SNX29: variants seen among roughly 807,000 people sequenced by gnomAD.
SNX29 encodes sorting nexin 29.
SNX29 carries 78 observed loss-of-function variants against 102.1 expected under a neutral mutation model. The ratio of observed to expected loss-of-function variants is 0.76; its 90% CI spans 0.64 to 0.92. The LOEUF (loss-of-function observed/expected upper bound fraction) is 0.92, where lower values mean the gene tolerates loss of function less well. Ranked by LOEUF, SNX29 falls within the 40% of genes least tolerant of loss-of-function variation. SNX29 has a pLI of 0.00. For missense variants in SNX29, 1,280 were observed against 1,061.7 expected, an observed-to-expected ratio of 1.21 and a Z score of -2.86; for synonymous variants, 580 against 414.5, an observed-to-expected ratio of 1.40 and a Z score of -4.85.
At chr16:12,314,275 A>G (rs896109078) in intron 15 of SNX29, among the ~76,000 whole-genome samples, 1 of 152,270 alleles carries the variant, frequency 6.6e-6, no homozygotes, top group African/African-American at 2.4e-5. Flanking sequence ...CTGGCATTAC[A>G]GGCATGAGCC....
chr16:12,314,775 T>C (rs932799010), intron 15 of SNX29, among the ~76,000 whole-genome samples: 7 of 152,306 alleles, frequency 4.6e-5, no homozygotes, highest in Admixed American at 4.6e-4. Flanking sequence ...TTGGTTCTGA[T>C]TGAAACTGTG....
At chr16:12,314,719 A>G (rs977372232) in intron 15 of SNX29, among the ~76,000 whole-genome samples, 3 of 152,238 alleles carry the variant, frequency 2.0e-5, no homozygotes, top group Non-Finnish European at 4.4e-5. Flanking sequence ...ACACTAAATC[A>G]AAAAGAATGT....
At chr16:12,404,364 C>G (rs1193068414) in intron 18 of SNX29, among the ~76,000 whole-genome samples, 6 of 152,136 alleles carry the variant, frequency 3.9e-5, no homozygotes, top group Non-Finnish European at 5.9e-5. Flanking sequence ...TTTCTGAAGC[C>G]TCTTTTAGCC....
chr16:12,466,684 G>A (rs559473640), intron 18 of SNX29, among the ~76,000 whole-genome samples: 1 of 152,302 alleles, frequency 6.6e-6, no homozygotes, highest in East Asian at 1.9e-4. Flanking sequence ...ACCAAAGCAT[G>A]GATAGTTTCA....
intron 5 of SNX29, among the ~76,000 whole-genome samples, chr16:12,043,909 T>C (rs1265042843): frequency 1.3e-5 from 2 of 152,040 alleles, no homozygotes; most frequent in Non-Finnish European, 2.9e-5. Flanking sequence ...TGTGCCACCA[T>C]ACTCAGCTAA....
chr16:12,446,600 G>A (rs1034076737), intron 18 of SNX29, among the ~76,000 whole-genome samples: 7 of 152,160 alleles, frequency 4.6e-5, no homozygotes, highest in African/African-American at 1.4e-4. Flanking sequence ...CAGTATCGAT[G>A]TTTTAGTTGG....
intron 18 of SNX29, among the ~76,000 whole-genome samples, chr16:12,447,443 C>G (rs1190879232): frequency 1.3e-5 from 2 of 152,152 alleles, no homozygotes; most frequent in African/African-American, 4.8e-5. Flanking sequence ...GATTCTCAAT[C>G]AGTACTTTCT....
At chr16:12,088,123 C>T (rs140590816) in intron 11 of SNX29, 8 of 456,658 alleles carry the variant, frequency 1.8e-5, no homozygotes, top group Admixed American at 2.3e-5. Flanking sequence ...TCTGAGGCTG[C>T]AGGGCACCAG....
chr16:12,455,373 G>C (rs538270166), intron 18 of SNX29, among the ~76,000 whole-genome samples: 1 of 152,230 alleles, frequency 6.6e-6, no homozygotes, highest in South Asian at 2.1e-4. Flanking sequence ...TTCCTGGTCA[G>C]CCACACACCA....
chr16:12,460,916 C>T (rs771711104), intron 18 of SNX29, among the ~76,000 whole-genome samples: 1 of 152,206 alleles, frequency 6.6e-6, no homozygotes, highest in African/African-American at 2.4e-5. Context: ...GCTGGTATTA[C>T]AGGCGTGAGC....
chr16:12,241,469 T>C (rs191197553), intron 14 of SNX29, among the ~76,000 whole-genome samples: 2 of 152,220 alleles, frequency 1.3e-5, no homozygotes, highest in Admixed American at 1.3e-4. Context: ...GTCTATCTTT[T>C]TTTTTTTGGA....
At position 12,046,416 on chromosome 16, in the gene SNX29, A is replaced by G. The variant is rs2050093461; in HGVS notation, c.461A>G (p.Asp154Gly). The change falls in exon 6 of 21, where the codon GAT becomes GGT. Residue 154 changes from aspartate to glycine, a missense_variant. Asp to Gly is a moderately conservative substitution (Grantham distance 94). Coordinates refer to ENST00000566228, the MANE Select transcript of SNX29 (RefSeq NM_032167.5). Reference sequence around the variant, plus strand: ...TATGAAGACTGGTCTTTTGTGATGGATGAAGAAAGGTCCAGTATGCTTCCT... The same window carrying G: ...TATGAAGACTGGTCTTTTGTGATGGGTGAAGAAAGGTCCAGTATGCTTCCT... ...TFYEDWSFVM[D>G]EERSSMLPTM... is the part of the protein sequence containing the mutation. 1.2e-6 allele frequency: 2 copies of G among 1,613,810 alleles called. No homozygotes were observed. The highest frequency in any genetic ancestry group is 1.7e-6 in the Non-Finnish European group (2 of 1,179,752).
chr16:12,550,269 G>C (rs1004512590), intron 20 of SNX29, among the ~76,000 whole-genome samples: 1 of 152,138 alleles, frequency 6.6e-6, no homozygotes, highest in South Asian at 2.1e-4. Flanking sequence ...AGACACAGAG[G>C]CTTATACCTG....
At chr16:12,526,474 G>A (rs2076786346) in intron 20 of SNX29, 5 of 480,606 alleles carry the variant, frequency 1.0e-5, no homozygotes, top group South Asian at 4.8e-5. Context: ...GTGATAAGAG[G>A]TGCCTTTTTG....
At chr16:12,379,550 G>C (rs2083000478) in intron 16 of SNX29, among the ~76,000 whole-genome samples, 1 of 152,202 alleles carries the variant, frequency 6.6e-6, no homozygotes, top group Admixed American at 6.5e-5. Context: ...CTTTGACTCA[G>C]TTCCAAAAAC....
chr16:12,230,126 G>A (rs920615976), intron 14 of SNX29, among the ~76,000 whole-genome samples: 4 of 152,156 alleles, frequency 2.6e-5, no homozygotes, highest in African/African-American at 9.7e-5. Flanking sequence ...GTTTGTACAC[G>A]TCTGTTCTAG....
chr16:12,320,152 G>A (rs994039687), intron 15 of SNX29, among the ~76,000 whole-genome samples: 1 of 152,154 alleles, frequency 6.6e-6, no homozygotes, highest in African/African-American at 2.4e-5. Flanking sequence ...GTACGCTTGA[G>A]AGACAGAGTA....
At chr16:12,562,158 G>A (rs376568777) in intron 20 of SNX29, among the ~76,000 whole-genome samples, 1 of 152,108 alleles carries the variant, frequency 6.6e-6, no homozygotes, top group African/African-American at 2.4e-5. Flanking sequence ...CAGGTCTGTG[G>A]AGTAAGATTG....
intron 11 of SNX29, chr16:12,087,653 C>G: frequency 2.8e-6 from 1 of 358,254 alleles, no homozygotes; most frequent in South Asian, 2.1e-5. Flanking sequence ...CGTCATTATG[C>G]GAGATGCCTC....
Sources: gnomAD v4.1 joint callset for allele counts (sites outside exome capture counted in the v4.1 genomes callset) on GRCh38, gnomAD v4.1.1 for gene constraint, MANE v1.5 for transcripts, NCBI Gene and HGNC (gene_info 2026-07-23, HGNC 2026-07-21) for gene names.